Variants in OXR1 observed in about 807,000 individuals in gnomAD.
The protein encoded by OXR1 is oxidation resistance protein 1.
A neutral mutation model predicts 104.6 loss-of-function variants in OXR1; 41 were observed. That is an observed-to-expected ratio of 0.39 (90% CI 0.31 to 0.51). The LOEUF is 0.51. Among genes scored for constraint, OXR1 ranks in the 20% least tolerant of loss-of-function variants. The pLI, the probability that OXR1 is intolerant of heterozygous loss-of-function variation, is 0.77. For missense variants in OXR1, 955 were observed against 1,031.9 expected, an observed-to-expected ratio of 0.93 and a Z score of 1.02; for synonymous variants, 348 against 348.4, an observed-to-expected ratio of 1.00 and a Z score of 0.01.
intron 2 of OXR1, among the ~76,000 whole-genome samples, chr8:106,489,220 CTGTT>C (rs1215667266): frequency 2.8e-4 from 43 of 151,232 alleles, no homozygotes; most frequent in Non-Finnish European, 4.9e-4. Flanking sequence ...ATTTGGCTCT[CTGTT>C]TGTCTGTTGT....
chr8:106,620,523 C>T (rs1423508246), intron 3 of OXR1, among the ~76,000 whole-genome samples: 1 of 152,176 alleles, frequency 6.6e-6, no homozygotes, highest in Non-Finnish European at 1.5e-5. Context: ...CATTCTTCCA[C>T]TCTGGCTTCC....
At chr8:106,702,041 C>T (rs1830627501) in intron 7 of OXR1, among the ~76,000 whole-genome samples, 1 of 152,148 alleles carries the variant, frequency 6.6e-6, no homozygotes, top group African/African-American at 2.4e-5. Context: ...GTGATTTCAG[C>T]TCACTGCAAC....
intron 2 of OXR1, among the ~76,000 whole-genome samples, chr8:106,392,039 A>T (rs1817603699): frequency 1.3e-5 from 2 of 152,162 alleles, no homozygotes; most frequent in South Asian, 4.1e-4. Context: ...GAGCTGCAGG[A>T]CGTTTGAAAG....
chr8:106,725,074 T>C (rs1202393723), intron 11 of OXR1, among the ~76,000 whole-genome samples: 1 of 152,058 alleles, frequency 6.6e-6, no homozygotes, highest in Non-Finnish European at 1.5e-5. Context: ...AAGAGAACTT[T>C]CCTGGTGTGA....
intron 5 of OXR1, among the ~76,000 whole-genome samples, 165 bp downstream of exon 5, chr8:106,683,471 T>C (rs534474812): frequency 6.6e-6 from 1 of 152,192 alleles, no homozygotes; most frequent in Non-Finnish European, 1.5e-5. Flanking sequence ...GTTTTATGTC[T>C]GTATTAGTTT....
intron 2 of OXR1, among the ~76,000 whole-genome samples, chr8:106,416,953 A>G (rs1054175223): frequency 6.6e-6 from 1 of 152,134 alleles, no homozygotes; most frequent in Non-Finnish European, 1.5e-5. Context: ...CTCAGGAATT[A>G]TCAAGTTTTC....
At chr8:106,369,479 A>G (rs530713770) in intron 2 of OXR1, among the ~76,000 whole-genome samples, 1 of 152,178 alleles carries the variant, frequency 6.6e-6, no homozygotes, top group Non-Finnish European at 1.5e-5. Context: ...GCCTGTGCCT[A>G]TGTCCTGAAT....
chr8:106,577,198 T>G (rs1339486337), intron 3 of OXR1, among the ~76,000 whole-genome samples: 1 of 151,106 alleles, frequency 6.6e-6, no homozygotes, highest in African/African-American at 2.4e-5. Context: ...ATCCGTTTTT[T>G]TTGTTTTGTT....
intron 8 of OXR1, among the ~76,000 whole-genome samples, chr8:106,704,054 A>G (rs1361778098): frequency 6.6e-6 from 1 of 152,212 alleles, no homozygotes; most frequent in Non-Finnish European, 1.5e-5. Flanking sequence ...AATATCTGTG[A>G]CAGAATAAAA....
chr8:106,744,362 G>A lies in OXR1; in HGVS notation c.2413-1427G>A, dbSNP rs140049406. 1.1e-4 allele frequency among the ~76,000 whole-genome samples: 17 copies of A among 152,172 alleles called. No homozygotes were observed. In the East Asian group the frequency reaches 2.7e-3, roughly 24 times the overall value. ...TTCAACTTTCCTGTAGATAGAATGA[G>A]GAATCATAAAATATGGCATGATCAT... On this transcript the variant is annotated intron_variant, in intron 15 of 16. Transcript: ENST00000517566.
chr8:106,300,167 C>G (rs1407600203), intron 1 of OXR1, among the ~76,000 whole-genome samples: 1 of 152,140 alleles, frequency 6.6e-6, no homozygotes, highest in Non-Finnish European at 1.5e-5. Flanking sequence ...TTCATCATCT[C>G]TATCTAGAAA....
chr8:106,526,790 C>A (rs759942073), intron 3 of OXR1, among the ~76,000 whole-genome samples: 3 of 152,154 alleles, frequency 2.0e-5, no homozygotes, highest in Non-Finnish European at 4.4e-5. Context: ...TGATGCGCCC[C>A]CCTCTGCCTC....
intron 3 of OXR1, among the ~76,000 whole-genome samples, chr8:106,649,004 A>G (rs1004365756): frequency 2.4e-4 from 36 of 152,162 alleles, no homozygotes; most frequent in African/African-American, 7.0e-4. Context: ...CAGGAGTTGA[A>G]GAACAGGCTG....
chr8:106,743,344 C>T (rs1480430658), intron 15 of OXR1, among the ~76,000 whole-genome samples: 1 of 152,094 alleles, frequency 6.6e-6, no homozygotes, highest in Non-Finnish European at 1.5e-5. Flanking sequence ...GTTTTTGAGG[C>T]AGAGTCTTGC....
chr8:106,333,667 G>A (rs1814831371), intron 1 of OXR1, among the ~76,000 whole-genome samples: 1 of 152,046 alleles, frequency 6.6e-6, no homozygotes, highest in African/African-American at 2.4e-5. Context: ...ATATGGTGAA[G>A]TAGAGGTCCA....
At chr8:106,425,347 G>A (rs1303402226) in intron 2 of OXR1, among the ~76,000 whole-genome samples, 1 of 151,662 alleles carries the variant, frequency 6.6e-6, no homozygotes, top group Non-Finnish European at 1.5e-5. Context: ...TATAAGCATG[G>A]GCCAATGTGC....
chr8:106,288,120 G>A (rs1812574931), intron 1 of OXR1, among the ~76,000 whole-genome samples: 1 of 152,174 alleles, frequency 6.6e-6, no homozygotes, highest in South Asian at 2.1e-4. Context: ...GCAGCCTGAA[G>A]ACAGCTGGCC....
intron 2 of OXR1, among the ~76,000 whole-genome samples, chr8:106,396,046 C>T (rs747977748): frequency 6.6e-6 from 1 of 152,030 alleles, no homozygotes; most frequent in Non-Finnish European, 1.5e-5. Flanking sequence ...AAGCATAAAA[C>T]AAATGTCCAT....
intron 11 of OXR1, among the ~76,000 whole-genome samples, chr8:106,717,824 A>T (rs80076396): frequency 6.6e-6 from 1 of 151,822 alleles, no homozygotes; most frequent in African/African-American, 2.4e-5. Flanking sequence ...TGTAGTAAAT[A>T]TTTTCATAAA....
Sources: gnomAD v4.1 joint callset for allele counts (sites outside exome capture counted in the v4.1 genomes callset) on GRCh38, gnomAD v4.1.1 for gene constraint, MANE v1.5 for transcripts, NCBI Gene and HGNC (gene_info 2026-07-23, HGNC 2026-07-21) for gene names.